DIAPH2: variants seen among roughly 807,000 people sequenced by gnomAD.
DIAPH2 encodes the protein diaphanous related formin 2.
In DIAPH2, 35 loss-of-function variants were observed where a neutral mutation model predicts 92.7. The observed-to-expected ratio is 0.38, with a 90% CI of 0.29 to 0.50. The LOEUF (loss-of-function observed/expected upper bound fraction) is 0.50, where lower values mean the gene tolerates loss of function less well. Among genes scored for constraint, DIAPH2 ranks in the 20% least tolerant of loss-of-function variants. DIAPH2 has a pLI of 0.94. For missense variants in DIAPH2, 701 were observed against 819.5 expected (o/e 0.86, Z 1.77); for synonymous variants, 301 against 280.4 (o/e 1.07, Z -0.73).
intron 23 of DIAPH2, among the ~76,000 whole-genome samples, chrX:97,291,245 C>T (rs1266496319): frequency 9.0e-6 from 1 of 110,553 alleles, no homozygotes; most frequent in African/African-American, 3.3e-5. Flanking sequence ...AAAAAATTAT[C>T]CAGGCATGTT....
At chrX:97,149,591 C>T (rs891356172) in intron 22 of DIAPH2, among the ~76,000 whole-genome samples, 4 of 108,520 alleles carry the variant, frequency 3.7e-5, no homozygotes, top group Non-Finnish European at 5.7e-5. Context: ...AGTAGCCAGG[C>T]GTGGTCGCGG....
intron 17 of DIAPH2, among the ~76,000 whole-genome samples, chrX:97,061,180 C>T (rs571433891): frequency 4.5e-5 from 5 of 111,739 alleles, no homozygotes; most frequent in South Asian, 3.8e-4. Flanking sequence ...CTAACTGAAA[C>T]GGACCTTGAC....
chrX:97,556,473 A>G (rs1218959339), intron 26 of DIAPH2, among the ~76,000 whole-genome samples: 1 of 112,222 alleles, frequency 8.9e-6, no homozygotes, highest in African/African-American at 3.2e-5. Context: ...AGTTGTCAGC[A>G]GGCTTGATTT....
At chrX:96,806,661 A>AAAAAAAAAAAG (rs1166302976) in intron 4 of DIAPH2, among the ~76,000 whole-genome samples, 38 of 104,934 alleles carry the variant, frequency 3.6e-4, no homozygotes, top group African/African-American at 1.2e-3. Context: ...AAAAAAAAAA[A>AAAAAAAAAAAG]AAAGAAACAA....
intron 19 of DIAPH2, among the ~76,000 whole-genome samples, chrX:97,091,315 A>T (rs2066823240): frequency 9.1e-6 from 1 of 110,075 alleles, no homozygotes; most frequent in Admixed American, 9.7e-5. Context: ...ACAGGGTCTC[A>T]CTCAGTTGCC....
chrX:97,353,955 C>T (rs181418834), intron 24 of DIAPH2, among the ~76,000 whole-genome samples: 4 of 110,627 alleles, frequency 3.6e-5, no homozygotes, highest in African/African-American at 9.9e-5. Flanking sequence ...ACTAGGACTA[C>T]AGGCATGCAT....
chrX:97,120,512 G>A (rs2067048902), intron 21 of DIAPH2, among the ~76,000 whole-genome samples: 1 of 108,666 alleles, frequency 9.2e-6, no homozygotes, highest in Non-Finnish European at 1.9e-5. Flanking sequence ...ACGCTTCTCT[G>A]TCCATCCGAG....
At chrX:97,117,756 G>C (rs1378229358) in intron 21 of DIAPH2, among the ~76,000 whole-genome samples, 1 of 111,551 alleles carries the variant, frequency 9.0e-6, no homozygotes, top group Admixed American at 9.5e-5. Context: ...AACACTAAAG[G>C]GTATCATTAT....
intron 23 of DIAPH2, among the ~76,000 whole-genome samples, chrX:97,290,333 G>A (rs2068579744): frequency 9.0e-6 from 1 of 111,420 alleles, no homozygotes; most frequent in African/African-American, 3.3e-5. Context: ...GCTAAAGGTT[G>A]TTTAGCATAA....
intron 22 of DIAPH2, among the ~76,000 whole-genome samples, chrX:97,214,836 TAAAAA>T (rs368311868): frequency 1.6e-5 from 1 of 62,805 alleles, no homozygotes; most frequent in African/African-American, 5.8e-5. Flanking sequence ...CGTCTCAAAT[TAAAAA>T]AAAAAAAAAA....
At chrX:97,418,745 C>T (rs1218888766) in intron 25 of DIAPH2, among the ~76,000 whole-genome samples, 1 of 112,084 alleles carries the variant, frequency 8.9e-6, no homozygotes, top group Non-Finnish European at 1.9e-5. Flanking sequence ...GAGGCAGTCT[C>T]AGACAGCAAA....
intron 26 of DIAPH2, among the ~76,000 whole-genome samples, chrX:97,522,962 A>T (rs1377387155): frequency 8.9e-6 from 1 of 111,947 alleles, no homozygotes; most frequent in African/African-American, 3.2e-5. Flanking sequence ...ACTTTACATG[A>T]CAGATTCAGG....
chrX:97,577,934 ATC>A (rs2071408885), intron 26 of DIAPH2, among the ~76,000 whole-genome samples: 1 of 110,675 alleles, frequency 9.0e-6, no homozygotes, highest in Non-Finnish European at 1.9e-5. Context: ...GTGAATTTTA[ATC>A]TGAGTCCCTG....
intron 24 of DIAPH2, among the ~76,000 whole-genome samples, chrX:97,379,626 G>C (rs898687803): frequency 8.9e-6 from 1 of 111,948 alleles, no homozygotes; most frequent in African/African-American, 3.2e-5. Context: ...TCTGATTCCA[G>C]GATCCTTACT....
intron 4 of DIAPH2, among the ~76,000 whole-genome samples, chrX:96,833,925 C>T (rs2064871840): frequency 9.0e-6 from 1 of 111,433 alleles, no homozygotes; most frequent in African/African-American, 3.3e-5. Flanking sequence ...TCCCAAAGTG[C>T]TGGGATTACA....
chrX:97,075,587 T>G (rs1239513343), intron 19 of DIAPH2, among the ~76,000 whole-genome samples: 1 of 111,898 alleles, frequency 8.9e-6, no homozygotes, highest in Non-Finnish European at 1.9e-5. Context: ...ATTAAGTGTA[T>G]ATTGTTCTTA....
chrX:97,374,481 A>G (rs2069480235), intron 24 of DIAPH2, among the ~76,000 whole-genome samples: 1 of 112,048 alleles, frequency 8.9e-6, no homozygotes, highest in South Asian at 3.8e-4. Context: ...CTCTGTTGCA[A>G]TCGTAGTTGA....
intron 17 of DIAPH2, among the ~76,000 whole-genome samples, chrX:97,013,478 T>C (rs1156919754): frequency 4.5e-5 from 5 of 112,209 alleles, no homozygotes; most frequent in East Asian, 2.8e-4. Context: ...CCATGACTGC[T>C]TCTTTTTCCT....
intron 23 of DIAPH2, among the ~76,000 whole-genome samples, chrX:97,335,056 A>ATGGTG (rs2069046149): frequency 1.2e-4 from 12 of 103,358 alleles, no homozygotes; most frequent in Admixed American, 5.3e-4. Context: ...GGTTTAAAAC[A>ATGGTG]GTTTTGTCTG....
Sources: gnomAD v4.1 joint callset for allele counts (sites outside exome capture counted in the v4.1 genomes callset) on GRCh38, gnomAD v4.1.1 for gene constraint, MANE v1.5 for transcripts, NCBI Gene and HGNC (gene_info 2026-07-23, HGNC 2026-07-21) for gene names.